The following LYSMD1 variants were observed in gnomAD, a reference collection of about 807,000 sequenced individuals.
The protein encoded by LYSMD1 is LysM domain containing 1.
Under a neutral mutation model 19.3 loss-of-function variants are expected in LYSMD1, and 9 were observed. The ratio of observed to expected loss-of-function variants is 0.47; its 90% CI spans 0.28 to 0.81. LYSMD1 has a LOEUF of 0.81. Among genes scored for constraint, LYSMD1 ranks in the 40% least tolerant of loss-of-function variants. The probability of loss-of-function intolerance (pLI) is 0.11; values close to 1 mark genes in which losing one functional copy is unlikely to be tolerated. For missense variants in LYSMD1, 262 were observed against 279.8 expected, an observed-to-expected ratio of 0.94 and a Z score of 0.45; for synonymous variants, 111 against 111.7, an observed-to-expected ratio of 0.99 and a Z score of 0.04.
intron 1 of LYSMD1, 86 bp from the exon 2 acceptor site, chr1:151,162,186 T>G (rs1184662788): frequency 7.9e-7 from 1 of 1,259,306 alleles, no homozygotes. Context: ...GTACAGAGTC[T>G]TCTTTGATTC....
At chr1:151,150,427 C>T in the LYSMD1 span, among the ~76,000 whole-genome samples, 1 of 152,204 alleles carries the variant, frequency 6.6e-6, no homozygotes, top group Non-Finnish European at 1.5e-5. Context: ...CCTATACTTG[C>T]TATATCCATT....
Position 151,165,298 on chromosome 1 carries a change from G to C in LYSMD1, c.-40C>G. On this transcript the variant is annotated 5_prime_UTR_variant, in exon 1 of 3. Transcript: ENST00000368908. ...AACAGCTAAGGTTGCAACTAGGGGA[G>C]GTACGACCGAGACTGCGACTGACAG... 1 of 1,591,276 alleles carries C rather than the reference G, an allele frequency of 6.3e-7. No homozygotes were observed. The highest frequency in any genetic ancestry group is 8.6e-7 in the Non-Finnish European group (1 of 1,167,320).
At chr1:151,152,090 C>A in the LYSMD1 span, among the ~76,000 whole-genome samples, 17 of 150,098 alleles carry the variant, frequency 1.1e-4, no homozygotes, top group East Asian at 7.8e-4. Flanking sequence ...ACAACAACAA[C>A]AAAAAACAAA....
At chr1:151,164,442 C>A (rs1287558609) in intron 1 of LYSMD1, among the ~76,000 whole-genome samples, 1 of 152,058 alleles carries the variant, frequency 6.6e-6, no homozygotes, top group Non-Finnish European at 1.5e-5. Flanking sequence ...GGGGAGTAAC[C>A]CCATCAACTT....
chr1:151,162,900 C>A (rs1683502927), intron 1 of LYSMD1, among the ~76,000 whole-genome samples: 1 of 152,150 alleles, frequency 6.6e-6, no homozygotes. Flanking sequence ...TCTACTCATC[C>A]TCCTCTTGGC....
chr1:151,158,632 CTCTT>C (rs1055870964), downstream of LYSMD1: 40 of 1,374,792 alleles, frequency 2.9e-5, no homozygotes, highest in African/African-American at 4.4e-4. Context: ...AGCCATTTCT[CTCTT>C]TCTAAGGAAG....
the LYSMD1 span, among the ~76,000 whole-genome samples, chr1:151,149,787 G>A: frequency 6.6e-6 from 1 of 152,160 alleles, no homozygotes; most frequent in Non-Finnish European, 1.5e-5. Context: ...AGATTGGATT[G>A]GAAAAGCACT....
chr1:151,148,985 G>C, the LYSMD1 span, among the ~76,000 whole-genome samples: 3 of 152,176 alleles, frequency 2.0e-5, no homozygotes, highest in Non-Finnish European at 4.4e-5. Flanking sequence ...AGACCTACTA[G>C]CAAGTAAACA....
At chr1:151,150,395 C>T in the LYSMD1 span, among the ~76,000 whole-genome samples, 1 of 152,370 alleles carries the variant, frequency 6.6e-6, no homozygotes, top group South Asian at 2.1e-4. Context: ...CTCTTCCCTT[C>T]ATAACTAAGC....
At chr1:151,152,840 A>C in the LYSMD1 span, among the ~76,000 whole-genome samples, 1 of 152,240 alleles carries the variant, frequency 6.6e-6, no homozygotes, top group African/African-American at 2.4e-5. Flanking sequence ...TATTGATCTT[A>C]ACCATGGTAA....
downstream of LYSMD1, chr1:151,158,574 C>T (rs970612756): frequency 1.0e-5 from 10 of 1,000,064 alleles, no homozygotes; most frequent in East Asian, 1.3e-4. Flanking sequence ...GGATGACAAA[C>T]AAAGATGATG....
rs16833030 is a variant in LYSMD1, at chr1:151,160,622, A to G, written c.*260T>C. 2,450 of 304,708 alleles carry G rather than the reference A, an allele frequency of 8.0e-3. 57 individuals are homozygous for G. Among genetic ancestry groups the G allele is most frequent in the African/African-American group, 0.048 (2,258 of 47,220 alleles). 18.9% of individuals were successfully genotyped at this position (304,708 alleles called of 1,614,324 possible). ...AAAGGATAGGAAAGGCAACAAGGAT[A>G]TAAAAAGAGCCTTTTGAGTCTAAAG... On this transcript the variant is annotated 3_prime_UTR_variant, in exon 3 of 3. Coordinates refer to ENST00000368908, the MANE Select transcript of LYSMD1 (RefSeq NM_212551.5).
chr1:151,163,426 A>T (rs1683526618), intron 1 of LYSMD1, among the ~76,000 whole-genome samples: 1 of 152,118 alleles, frequency 6.6e-6, no homozygotes, highest in Non-Finnish European at 1.5e-5. Flanking sequence ...GGGCTCATTA[A>T]TGCTTTATTT....
Position 151,164,114 on chromosome 1 carries a change from G to A in LYSMD1, c.180+965C>T, listed in dbSNP as rs145922818. Among the ~76,000 whole-genome samples, 44 of 151,936 alleles carry A rather than the reference G, an allele frequency of 2.9e-4. No individual in the cohort carries two copies. In the Middle Eastern group the frequency reaches 0.01, roughly 35 times the overall value. The stretch of plus-strand genomic sequence containing the variant: ...TCACCATGTTGGCCAGACTGGTCTC[G>A]TACTCGTAACCTTAGGTGATCCACT... On this transcript the variant is annotated intron_variant, in intron 1 of 2. Coordinates refer to ENST00000368908, the MANE Select transcript of LYSMD1 (RefSeq NM_212551.5).
chr1:151,155,104 T>A (rs902973167), downstream of LYSMD1, among the ~76,000 whole-genome samples: 34 of 152,322 alleles, frequency 2.2e-4, no homozygotes, highest in African/African-American at 8.2e-4. Flanking sequence ...TCTTTTTCCT[T>A]CTTCACTTAT....
downstream of LYSMD1, among the ~76,000 whole-genome samples, chr1:151,157,550 G>A (rs1336414357): frequency 6.6e-6 from 1 of 152,184 alleles, no homozygotes; most frequent in Non-Finnish European, 1.5e-5. Flanking sequence ...CCCTTCTTGA[G>A]GTGTTGGCTT....
chr1:151,163,653 C>G (rs371314810), intron 1 of LYSMD1, among the ~76,000 whole-genome samples: 33 of 151,942 alleles, frequency 2.2e-4, no homozygotes, highest in African/African-American at 7.2e-4. Flanking sequence ...TCAGCCTCCC[C>G]AGTAGGTGGG....
chr1:151,150,601 C>T, the LYSMD1 span, among the ~76,000 whole-genome samples: 1 of 152,188 alleles, frequency 6.6e-6, no homozygotes, highest in Non-Finnish European at 1.5e-5. Flanking sequence ...ACTCCCCCCT[C>T]CTTGAAATGC....
rs369308817 is a variant in LYSMD1, at chr1:151,160,945, C to T, written c.621G>A (p.Pro207=). 2.2e-5 allele frequency: 36 copies of T among 1,614,140 alleles called. No individual in the cohort carries two copies. In the South Asian group the frequency reaches 3.1e-4, roughly 14 times the overall value. ...MQQRAVLGPV[P]LTRTSRTRTL... ...TCCGGGTCCGAGAGGTACGGGTCAG[C>T]GGCACAGGACCTAGGACTGCTCGTT... The change falls in exon 3 of 3, where the codon CCG becomes CCA. Residue 207 remains proline, a synonymous_variant. Transcript: ENST00000368908.
Sources: gnomAD v4.1 joint callset for allele counts (sites outside exome capture counted in the v4.1 genomes callset) on GRCh38, gnomAD v4.1.1 for gene constraint, MANE v1.5 for transcripts, NCBI Gene and HGNC (gene_info 2026-07-23, HGNC 2026-07-21) for gene names.